TLK1: variants seen among roughly 807,000 people sequenced by gnomAD.
TLK1 encodes the protein tousled like kinase 1.
Under a neutral mutation model 105.3 loss-of-function variants are expected in TLK1, and 24 were observed. The ratio of observed to expected loss-of-function variants is 0.23; its 90% confidence interval spans 0.17 to 0.32. The LOEUF (loss-of-function observed/expected upper bound fraction) is 0.32, where lower values mean the gene tolerates loss of function less well. TLK1 is among the 10% of genes least tolerant of loss of function. The probability of loss-of-function intolerance (pLI) is 1.00; values close to 1 mark genes in which losing one functional copy is unlikely to be tolerated. For missense variants in TLK1, 558 were observed against 910.5 expected (o/e 0.61, Z 4.98); for synonymous variants, 321 against 310.4 (o/e 1.03, Z -0.36).
At chr2:171,032,194 G>A (rs1231416399) in intron 11 of TLK1, among the ~76,000 whole-genome samples, 1 of 152,122 alleles carries the variant, frequency 6.6e-6, no homozygotes, top group Non-Finnish European at 1.5e-5. Flanking sequence ...AGACAAGGAC[G>A]TCTACTTTCA....
intron 1 of TLK1, among the ~76,000 whole-genome samples, chr2:171,125,336 G>C (rs1690823677): frequency 6.6e-6 from 1 of 152,106 alleles, no homozygotes; most frequent in African/African-American, 2.4e-5. Context: ...TGCAGCTCTA[G>C]TGTCACTTCA....
intron 2 of TLK1, among the ~76,000 whole-genome samples, chr2:171,087,372 C>A (rs1689027355): frequency 6.6e-6 from 1 of 151,992 alleles, no homozygotes; most frequent in South Asian, 2.1e-4. Flanking sequence ...AGAAAACTTA[C>A]TGAATGGGCT....
intron 2 of TLK1, among the ~76,000 whole-genome samples, chr2:171,102,380 G>A (rs1225438946): frequency 1.4e-4 from 22 of 152,080 alleles, no homozygotes; most frequent in Admixed American, 1.4e-3. Context: ...TGTGTGTAAT[G>A]ACTCCTCATT....
At position 171,009,291 on chromosome 2, in the gene TLK1, C is replaced by CTTTTTTTTTTTTT. The variant is rs71008743; in HGVS notation, c.1416+2069_1416+2081dup. Among the ~76,000 whole-genome samples, 21 of 74,838 alleles carry CTTTTTTTTTTTTT rather than the reference C, an allele frequency of 2.8e-4. 2 individuals carry two copies. The highest frequency in any genetic ancestry group is 1.2e-3 in the African/African-American group (19 of 16,382). 49.1% of individuals were successfully genotyped at this position (74,838 alleles called of 152,430 possible). The stretch of plus-strand genomic sequence containing the variant: ...CATGCAACAGTCAGGATTTCTTTTC[C>CTTTTTTTTTTTTT]TTTTTTTTTTTTTTTTTTTTTTTTT... On this transcript the variant is annotated intron_variant, in intron 14 of 20. Transcript: ENST00000431350.
intron 3 of TLK1, among the ~76,000 whole-genome samples, chr2:171,061,880 A>T (rs1687768615): frequency 6.6e-6 from 1 of 152,024 alleles, no homozygotes; most frequent in East Asian, 1.9e-4. Flanking sequence ...ATTTTATTGG[A>T]ACACAGCCAC....
chr2:171,117,171 AG>A (rs1163634849), intron 2 of TLK1, among the ~76,000 whole-genome samples: 2 of 152,216 alleles, frequency 1.3e-5, no homozygotes, highest in Non-Finnish European at 2.9e-5. Context: ...ACCTCATATC[AG>A]GCATTAGATT....
chr2:171,006,418 T>C, intron 17 of TLK1, 56 bp downstream of exon 17: 2 of 1,509,056 alleles, frequency 1.3e-6, no homozygotes, highest in Non-Finnish European at 1.8e-6. Flanking sequence ...ACTTAATGAA[T>C]GACTTTTAAA....
chr2:171,149,099 C>CTTTTTTTTTTTTTTTT (rs11335300), intron 1 of TLK1, among the ~76,000 whole-genome samples: 6 of 57,880 alleles, frequency 1.0e-4, no homozygotes, highest in Admixed American at 2.6e-4. Context: ...AATTACTTTT[C>CTTTTTTTTTTTTTTTT]TTTTTTTTTT....
intron 3 of TLK1, among the ~76,000 whole-genome samples, chr2:171,065,261 G>A (rs1287966489): frequency 2.0e-5 from 3 of 152,058 alleles, no homozygotes; most frequent in Admixed American, 2.0e-4. Flanking sequence ...CAAAAAAAGA[G>A]GGAATGGATA....
At chr2:171,111,290 C>T (rs997454440) in intron 2 of TLK1, among the ~76,000 whole-genome samples, 1 of 152,036 alleles carries the variant, frequency 6.6e-6, no homozygotes, top group Non-Finnish European at 1.5e-5. Context: ...AAGATCTCCC[C>T]GGCTGAGCAC....
intron 1 of TLK1, among the ~76,000 whole-genome samples, chr2:171,216,680 T>A (rs1693720826): frequency 6.6e-6 from 1 of 152,042 alleles, no homozygotes; most frequent in African/African-American, 2.4e-5. Flanking sequence ...GTAGGGCCAT[T>A]ATAGTTGTAA....
At chr2:171,046,033 A>T in intron 11 of TLK1, 141 bp downstream of exon 11, 1 of 648,840 alleles carries the variant, frequency 1.5e-6, no homozygotes, top group Non-Finnish European at 2.4e-6. Context: ...ATTAATTTAG[A>T]GCTAAATTTT....
chr2:171,218,412 G>A (rs945483387), intron 1 of TLK1, among the ~76,000 whole-genome samples: 3 of 152,180 alleles, frequency 2.0e-5, no homozygotes, highest in Admixed American at 6.5e-5. Flanking sequence ...TTTCAGTTTT[G>A]CCAGATGAAA....
intron 1 of TLK1, among the ~76,000 whole-genome samples, chr2:171,192,003 G>A (rs1693163517): frequency 6.6e-6 from 1 of 152,020 alleles, no homozygotes; most frequent in South Asian, 2.1e-4. Context: ...AATACATTTT[G>A]AAAATTTTTG....
At chr2:171,194,661 C>CA (rs1351333329) in intron 1 of TLK1, among the ~76,000 whole-genome samples, 5 of 151,254 alleles carry the variant, frequency 3.3e-5, no homozygotes, top group African/African-American at 9.8e-5. Context: ...ACTAAAAATA[C>CA]AAAAAATTAG....
At chr2:171,051,701 AAAC>A (rs1311670856) in intron 8 of TLK1, among the ~76,000 whole-genome samples, 1 of 152,188 alleles carries the variant, frequency 6.6e-6, no homozygotes, top group African/African-American at 2.4e-5. Flanking sequence ...TAACAGCCAA[AAAC>A]AACTGATAAA....
intron 3 of TLK1, chr2:171,081,706 T>C (rs933291846): frequency 1.5e-6 from 2 of 1,304,144 alleles, no homozygotes; most frequent in South Asian, 1.2e-5. Context: ...CTGCCAGTTG[T>C]TTCTGTGGAA....
At chr2:171,129,234 T>C (rs1690997723) in intron 1 of TLK1, among the ~76,000 whole-genome samples, 1 of 152,112 alleles carries the variant, frequency 6.6e-6, no homozygotes, top group Admixed American at 6.6e-5. Flanking sequence ...TTGAAATAAA[T>C]ACAAAAATAT....
chr2:171,087,954 C>T (rs1389921752), intron 2 of TLK1, among the ~76,000 whole-genome samples: 2 of 152,186 alleles, frequency 1.3e-5, no homozygotes, highest in Admixed American at 6.5e-5. Flanking sequence ...TTTTACTCCA[C>T]AGGTATGAGA....
Sources: gnomAD v4.1 joint callset for allele counts (sites outside exome capture counted in the v4.1 genomes callset) on GRCh38, gnomAD v4.1.1 for gene constraint, MANE v1.5 for transcripts, NCBI Gene and HGNC (gene_info 2026-07-23, HGNC 2026-07-21) for gene names.